LRP1B: variants seen among roughly 807,000 people sequenced by gnomAD.
LRP1B encodes LDL receptor related protein 1B.
Under a neutral mutation model 556.6 loss-of-function variants are expected in LRP1B, and 217 were observed. That is an observed-to-expected ratio of 0.39 (90% CI 0.35 to 0.44). The LOEUF is 0.44. Among genes scored for constraint, LRP1B ranks in the 20% least tolerant of loss-of-function variants. The pLI is 1.00. For missense variants in LRP1B, 5,053 were observed against 5,620.8 expected (o/e 0.90, Z 3.23); for synonymous variants, 2,047 against 1,865.8 (o/e 1.10, Z -2.50).
At chr2:140,500,066 C>T (rs567305074) in intron 55 of LRP1B, among the ~76,000 whole-genome samples, 1 of 152,038 alleles carries the variant, frequency 6.6e-6, no homozygotes, top group East Asian at 1.9e-4. Flanking sequence ...GCATGCTCAT[C>T]TCATTAAAAG....
chr2:140,297,753 A>C (rs903651090), intron 84 of LRP1B, 55 bp downstream of exon 84: 5 of 1,525,758 alleles, frequency 3.3e-6, no homozygotes, highest in African/African-American at 2.8e-5. Flanking sequence ...GATACAGGAA[A>C]TCAGAAGATT....
intron 7 of LRP1B, among the ~76,000 whole-genome samples, chr2:141,070,631 G>A (rs1321636628): frequency 6.6e-6 from 1 of 151,986 alleles, no homozygotes; most frequent in Non-Finnish European, 1.5e-5. Flanking sequence ...GAAGAAAAGA[G>A]AGAAGAATCA....
chr2:140,583,026 C>G (rs1273941305), intron 43 of LRP1B, among the ~76,000 whole-genome samples: 3 of 152,026 alleles, frequency 2.0e-5, no homozygotes, highest in Non-Finnish European at 4.4e-5. Flanking sequence ...GCAGAATTAT[C>G]ATGTTAGCAG....
intron 41 of LRP1B, among the ~76,000 whole-genome samples, chr2:140,649,788 A>G (rs1263972427): frequency 6.6e-6 from 1 of 152,238 alleles, no homozygotes; most frequent in Non-Finnish European, 1.5e-5. Flanking sequence ...AGCTATATGT[A>G]TTTATCTCTC....
Position 141,832,327 on chromosome 2 carries a change from T to A in LRP1B, c.83-21926A>T, listed in dbSNP as rs10611577. Among the ~76,000 whole-genome samples the A allele has an allele frequency of 1.2e-3, 166 of 143,978 alleles. 1 individual carries two copies. The highest frequency in any genetic ancestry group is 3.2e-3 in the African/African-American group (124 of 38,242). 94.5% of individuals were successfully genotyped at this position (143,978 alleles called of 152,430 possible). On this transcript the variant is annotated intron_variant, in intron 1 of 90. Coordinates refer to ENST00000389484, the MANE Select transcript of LRP1B (RefSeq NM_018557.3). Reference sequence around the variant, plus strand: ...AATAATTATCCTATCTCTTTCTCTCTCACACACACACACACACACACACAC... The same window carrying A: ...AATAATTATCCTATCTCTTTCTCTCACACACACACACACACACACACACAC...
chr2:140,795,061 A>G (rs1359131910), intron 32 of LRP1B, among the ~76,000 whole-genome samples: 1 of 152,212 alleles, frequency 6.6e-6, no homozygotes, highest in Non-Finnish European at 1.5e-5. Flanking sequence ...TCCTTAAGAG[A>G]AAAAATGATT....
chr2:141,473,541 C>T (rs1292515321), intron 3 of LRP1B, among the ~76,000 whole-genome samples: 2 of 152,096 alleles, frequency 1.3e-5, no homozygotes, highest in African/African-American at 4.8e-5. Context: ...GAGTGGAAAT[C>T]CTTACACCTG....
intron 43 of LRP1B, among the ~76,000 whole-genome samples, chr2:140,597,025 G>T (rs777110604): frequency 1.3e-5 from 2 of 151,922 alleles, no homozygotes; most frequent in African/African-American, 4.8e-5. Context: ...ATTAACTTTT[G>T]CAAAATAAAG....
intron 18 of LRP1B, among the ~76,000 whole-genome samples, chr2:140,961,707 CAATAT>C (rs1226532261): frequency 2.0e-5 from 3 of 151,950 alleles, no homozygotes; most frequent in Non-Finnish European, 4.4e-5. Flanking sequence ...ATTGTTATCA[CAATAT>C]AATATTATTT....
In LRP1B at chr2:140,957,108, A is replaced by C. The variant is rs188692426; in HGVS notation, c.2888-5168T>G. 1.2e-3 allele frequency among the ~76,000 whole-genome samples: 187 copies of C among 151,802 alleles called. 1 individual carries two copies. Among genetic ancestry groups the C allele is most frequent in the African/African-American group, 4.2e-3 (173 of 41,524 alleles). On this transcript the variant is annotated intron_variant, in intron 18 of 90. Transcript: ENST00000389484. ...ATTAAGTGATTTTAATAAATATCTG[A>C]TAGATGTTATTTTATAGGCAATGTA... is the stretch of plus-strand genomic sequence containing the variant.
At chr2:141,549,856 G>T (rs146489033) in intron 2 of LRP1B, among the ~76,000 whole-genome samples, 1 of 152,080 alleles carries the variant, frequency 6.6e-6, no homozygotes, top group African/African-American at 2.4e-5. Flanking sequence ...TTAGATGGGC[G>T]TGGTGGTGCA....
chr2:141,709,660 T>C (rs1013340652), intron 2 of LRP1B, among the ~76,000 whole-genome samples: 1 of 152,018 alleles, frequency 6.6e-6, no homozygotes, highest in African/African-American at 2.4e-5. Flanking sequence ...TTTCTGAGAG[T>C]AGATTGATAA....
intron 1 of LRP1B, among the ~76,000 whole-genome samples, chr2:141,937,364 G>A (rs999080375): frequency 1.3e-5 from 2 of 151,326 alleles, no homozygotes; most frequent in East Asian, 1.9e-4. Flanking sequence ...CAGCCTGGGC[G>A]ACAGAGCGAG....
chr2:140,864,937 G>A (rs2105147601), intron 27 of LRP1B, among the ~76,000 whole-genome samples: 1 of 152,094 alleles, frequency 6.6e-6, no homozygotes, highest in East Asian at 1.9e-4. Flanking sequence ...CTATGCTAAT[G>A]ATGAAGGGTA....
At chr2:140,750,772 T>G (rs1194088281) in intron 35 of LRP1B, among the ~76,000 whole-genome samples, 1 of 152,094 alleles carries the variant, frequency 6.6e-6, no homozygotes, top group Non-Finnish European at 1.5e-5. Flanking sequence ...GACACAAACA[T>G]GACAGGTATC....
intron 43 of LRP1B, among the ~76,000 whole-genome samples, chr2:140,580,316 T>G (rs563651056): frequency 6.6e-6 from 1 of 152,320 alleles, no homozygotes; most frequent in South Asian, 2.1e-4. Context: ...AATACTATCA[T>G]GCATTCCACA....
intron 43 of LRP1B, among the ~76,000 whole-genome samples, chr2:140,569,590 A>G (rs1460551939): frequency 6.6e-6 from 1 of 151,920 alleles, no homozygotes. Flanking sequence ...GATAGGCTCC[A>G]ATAATAGAAA....
intron 2 of LRP1B, among the ~76,000 whole-genome samples, chr2:141,683,739 A>C (rs1691184468): frequency 6.6e-6 from 1 of 152,162 alleles, no homozygotes; most frequent in Non-Finnish European, 1.5e-5. Flanking sequence ...ATTGTAAAAG[A>C]TGCTAAAATT....
At chr2:140,291,327 A>ATT (rs1683380010) in intron 84 of LRP1B, among the ~76,000 whole-genome samples, 3 of 16,632 alleles carry the variant, frequency 1.8e-4, no homozygotes, top group Non-Finnish European at 2.4e-4. Flanking sequence ...TATTTTTATT[A>ATT]TACTTTAAGT....
Sources: allele counts gnomAD v4.1 joint callset (sites outside exome capture counted in the v4.1 genomes callset), GRCh38; gene constraint gnomAD v4.1.1; transcripts MANE v1.5; gene names NCBI Gene and HGNC (gene_info 2026-07-23, HGNC 2026-07-21).